Variants in MARCHF1 observed in about 807,000 individuals in gnomAD.
MARCHF1 encodes E3 ubiquitin-protein ligase MARCHF1.
MARCHF1 carries 40 observed loss-of-function variants against 54.2 expected under a neutral mutation model. The ratio of observed to expected loss-of-function variants is 0.74; its 90% confidence interval spans 0.57 to 0.96. MARCHF1 has a LOEUF of 0.96. MARCHF1 is among the 40% of genes least tolerant of loss of function. The probability of loss-of-function intolerance (pLI) is 0.00; values close to 1 mark genes in which losing one functional copy is unlikely to be tolerated. For missense variants in MARCHF1, 586 were observed against 656.5 expected, an observed-to-expected ratio of 0.89 and a Z score of 1.17; for synonymous variants, 236 against 236.3, an observed-to-expected ratio of 1.00 and a Z score of 0.01.
intron 1 of MARCHF1, among the ~76,000 whole-genome samples, chr4:164,366,188 G>C (rs990411937): frequency 7.9e-5 from 12 of 151,948 alleles, no homozygotes; most frequent in African/African-American, 2.9e-4. Flanking sequence ...TACAAGTTTC[G>C]CATTCAAGGG....
rs113154668 is a variant in MARCHF1, at chr4:164,092,270, T to C, written c.-248+19318A>G. Among the ~76,000 whole-genome samples the C allele has an allele frequency of 3.5e-3, 526 of 152,256 alleles. 6 individuals carry two copies. Among genetic ancestry groups the C allele is most frequent in the African/African-American group, 0.012 (489 of 41,548 alleles). On this transcript the variant is annotated intron_variant, in intron 2 of 9. Transcript: ENST00000514618. ...CTGGAATAGACACTTATTCTGGATA[T>C]GCATCTGTCTTCCCTGACAAAAATG...
intron 2 of MARCHF1, among the ~76,000 whole-genome samples, chr4:164,038,929 A>G (rs1754068189): frequency 6.6e-6 from 1 of 152,220 alleles, no homozygotes; most frequent in South Asian, 2.1e-4. Flanking sequence ...ATTGATGATG[A>G]ATAATCAAAT....
chr4:164,363,766 C>CGTGGGTGTGTGTGTGT (rs1730794749), intron 1 of MARCHF1, among the ~76,000 whole-genome samples: 1 of 150,100 alleles, frequency 6.7e-6, no homozygotes, highest in South Asian at 2.1e-4. Context: ...ATTAATAAGC[C>CGTGGGTGTGTGTGTGT]GTGTGTGTGT....
At chr4:163,959,203 G>A (rs1361202214) in intron 3 of MARCHF1, among the ~76,000 whole-genome samples, 7 of 151,874 alleles carry the variant, frequency 4.6e-5, no homozygotes, top group African/African-American at 7.2e-5. Flanking sequence ...TGTTTTAAGC[G>A]ACTAAAATTC....
intron 7 of MARCHF1, among the ~76,000 whole-genome samples, chr4:163,592,729 C>T (rs536239204): frequency 2.0e-5 from 3 of 152,046 alleles, no homozygotes; most frequent in African/African-American, 7.2e-5. Context: ...GCCATTGATA[C>T]TAGGACTTTA....
At chr4:163,828,294 C>A (rs1748912974) in intron 4 of MARCHF1, among the ~76,000 whole-genome samples, 2 of 152,102 alleles carry the variant, frequency 1.3e-5, no homozygotes, top group Admixed American at 1.3e-4. Flanking sequence ...TGAAATGAAG[C>A]ATGAAAAACA....
chr4:164,209,838 A>C (rs1404845703), intron 1 of MARCHF1, among the ~76,000 whole-genome samples: 1 of 152,146 alleles, frequency 6.6e-6, no homozygotes, highest in Non-Finnish European at 1.5e-5. Context: ...CTCTAGAAGA[A>C]AATTTAGATT....
At chr4:163,644,012 A>T (rs1429163685) in intron 5 of MARCHF1, among the ~76,000 whole-genome samples, 1 of 152,062 alleles carries the variant, frequency 6.6e-6, no homozygotes. Flanking sequence ...TTCTTACTTC[A>T]GTAGTGCTCT....
intron 5 of MARCHF1, among the ~76,000 whole-genome samples, chr4:163,642,979 A>T (rs202118724): frequency 6.8e-6 from 1 of 147,176 alleles, no homozygotes; most frequent in African/African-American, 2.5e-5. Context: ...GTGTGTGTGT[A>T]TATATACACA....
intron 4 of MARCHF1, among the ~76,000 whole-genome samples, chr4:163,844,655 G>C (rs1404593934): frequency 6.6e-6 from 1 of 152,168 alleles, no homozygotes; most frequent in Non-Finnish European, 1.5e-5. Context: ...TGATTACTGT[G>C]ATTGAAATAT....
At chr4:163,704,699 T>C (rs973590322) in intron 4 of MARCHF1, among the ~76,000 whole-genome samples, 2 of 151,698 alleles carry the variant, frequency 1.3e-5, no homozygotes, top group Non-Finnish European at 3.0e-5. Context: ...ATAGAATATA[T>C]AATATTAAAA....
intron 3 of MARCHF1, among the ~76,000 whole-genome samples, chr4:163,939,582 T>C (rs989730286): frequency 2.6e-5 from 4 of 152,176 alleles, no homozygotes; most frequent in Admixed American, 2.6e-4. Context: ...GTTTACCAAC[T>C]CTGATATTTT....
chr4:163,717,072 T>G (rs1023656146), intron 4 of MARCHF1, among the ~76,000 whole-genome samples: 12 of 152,036 alleles, frequency 7.9e-5, no homozygotes, highest in Non-Finnish European at 1.6e-4. Context: ...TGTATACATG[T>G]GCCATGTTGG....
At position 163,716,120 on chromosome 4, in the gene MARCHF1, T is replaced by C. The variant is rs936717365; in HGVS notation, c.112-15257A>G. Among the ~76,000 whole-genome samples the C allele has an allele frequency of 3.3e-5, 5 of 152,180 alleles. No homozygotes were observed. The South Asian group carries it at 8.3e-4, about 25-fold the overall frequency. ...TATGTAACTAGCTTTCTGAAACTCCTAATGGAAGAACAAAATTGAACTTTT... is the reference window on the plus strand; with the variant it reads ...TATGTAACTAGCTTTCTGAAACTCCCAATGGAAGAACAAAATTGAACTTTT... On this transcript the variant is annotated intron_variant, in intron 4 of 9. Coordinates refer to ENST00000514618, the MANE Select transcript of MARCHF1 (RefSeq NM_001394959.1).
rs111939529 is a variant in MARCHF1 at position 164,328,239 on chromosome 4, A to C, written c.-323+55631T>G. Among the ~76,000 whole-genome samples, 140 of 152,334 alleles carry C rather than the reference A, an allele frequency of 9.2e-4. 1 individual carries two copies. Among genetic ancestry groups the C allele is most frequent in the African/African-American group, 3.2e-3 (132 of 41,572 alleles). On this transcript the variant is annotated intron_variant, in intron 1 of 9. Coordinates refer to ENST00000514618, the MANE Select transcript of MARCHF1 (RefSeq NM_001394959.1). ...GTGCATCAAATTAGGTGCGTTCTGA[A>C]AGATGCTAAAACATTAACATGGCAA...
At chr4:164,058,041 A>G (rs1304798305) in intron 2 of MARCHF1, among the ~76,000 whole-genome samples, 1 of 152,112 alleles carries the variant, frequency 6.6e-6, no homozygotes, top group Non-Finnish European at 1.5e-5. Flanking sequence ...TGAACACCAC[A>G]TGTTCTCACT....
intron 1 of MARCHF1, among the ~76,000 whole-genome samples, chr4:164,378,350 T>C (rs1469022531): frequency 6.6e-6 from 1 of 152,180 alleles, no homozygotes; most frequent in Non-Finnish European, 1.5e-5. Flanking sequence ...GTAAAAGGTG[T>C]AGCGCTCAGC....
chr4:163,929,961 A>ATG (rs1751627612), intron 3 of MARCHF1, among the ~76,000 whole-genome samples: 1 of 43,872 alleles, frequency 2.3e-5, no homozygotes, highest in Admixed American at 2.6e-4. Context: ...TATATTATAT[A>ATG]TAATATATAT....
intron 1 of MARCHF1, among the ~76,000 whole-genome samples, chr4:164,211,331 G>GTGTATA (rs763172261): frequency 5.2e-5 from 6 of 115,960 alleles, no homozygotes; most frequent in South Asian, 2.8e-4. Flanking sequence ...ATGTATGTAT[G>GTGTATA]TATATATATA....
Sources: gnomAD v4.1 joint callset for allele counts (sites outside exome capture counted in the v4.1 genomes callset) on GRCh38, gnomAD v4.1.1 for gene constraint, MANE v1.5 for transcripts, NCBI Gene and HGNC (gene_info 2026-07-23, HGNC 2026-07-21) for gene names.